The following HIVEP2 variants were observed in gnomAD, a reference collection of about 807,000 sequenced individuals.
HIVEP2 encodes the protein HIVEP zinc finger 2.
In HIVEP2, 14 loss-of-function variants were observed where a neutral mutation model predicts 180.7. That is an observed-to-expected ratio of 0.08 (90% CI 0.05 to 0.12). The LOEUF is 0.12. HIVEP2 is among the 10% of genes least tolerant of loss of function. HIVEP2 has a pLI of 1.00. For missense variants in HIVEP2, 2,579 were observed against 3,008.5 expected (o/e 0.86, Z 3.34); for synonymous variants, 1,184 against 1,136.4 (o/e 1.04, Z -0.84).
At chr6:142,858,743 C>T (rs936382125) in intron 1 of HIVEP2, among the ~76,000 whole-genome samples, 5 of 151,966 alleles carry the variant, frequency 3.3e-5, no homozygotes, top group Admixed American at 1.3e-4. Context: ...AGGTGCCCAC[C>T]GCTACGCCTG....
At chr6:142,884,182 T>G (rs1776642229) in intron 1 of HIVEP2, among the ~76,000 whole-genome samples, 2 of 152,188 alleles carry the variant, frequency 1.3e-5, no homozygotes, top group South Asian at 4.1e-4. Context: ...AATATCTGTT[T>G]GAGGGTACTG....
chr6:142,819,928 G>A (rs1177256065), intron 2 of HIVEP2, among the ~76,000 whole-genome samples: 1 of 152,134 alleles, frequency 6.6e-6, no homozygotes, highest in Non-Finnish European at 1.5e-5. Context: ...GTTAAAGGAA[G>A]GATTTCGGCG....
chr6:142,757,642 G>A (rs1775111024), intron 9 of HIVEP2, among the ~76,000 whole-genome samples: 1 of 152,116 alleles, frequency 6.6e-6, no homozygotes, highest in Admixed American at 6.5e-5. Context: ...TGGCGACAGA[G>A]CGAGACTCCA....
At position 142,928,174 on chromosome 6, in the gene HIVEP2, G is replaced by C. The variant is rs571115200; in HGVS notation, c.-641+16925C>G. Among the ~76,000 whole-genome samples, 348 of 152,350 alleles carry C rather than the reference G, an allele frequency of 2.3e-3. 2 individuals carry two copies. The highest frequency in any genetic ancestry group is 9.3e-3 in the Admixed American group (142 of 15,302). On this transcript the variant is annotated intron_variant, in intron 1 of 9. Transcript: ENST00000367603. ...CGATAGTGGAGGAGGCTGTGTGTAT[G>C]TGGGGACAGGAAGTACATGGGAAAT... is the stretch of plus-strand genomic sequence containing the variant.
At chr6:142,812,195 A>C (rs1776716777) in intron 2 of HIVEP2, among the ~76,000 whole-genome samples, 1 of 152,224 alleles carries the variant, frequency 6.6e-6, no homozygotes, top group Admixed American at 6.5e-5. Flanking sequence ...CGAAATCCAA[A>C]GAGCTGTGAA....
chr6:142,802,442 C>A (rs1562240711), intron 2 of HIVEP2, among the ~76,000 whole-genome samples: 1 of 152,072 alleles, frequency 6.6e-6, no homozygotes, highest in African/African-American at 2.4e-5. Context: ...CTCTGCCACC[C>A]TCATACTCGA....
At chr6:142,827,160 A>G (rs1774927039) in intron 2 of HIVEP2, among the ~76,000 whole-genome samples, 1 of 152,188 alleles carries the variant, frequency 6.6e-6, no homozygotes, top group Admixed American at 6.5e-5. Context: ...TTGTAATAAT[A>G]TGGGTACCTC....
At chr6:142,929,161 T>C (rs1320250938) in intron 1 of HIVEP2, among the ~76,000 whole-genome samples, 1 of 152,230 alleles carries the variant, frequency 6.6e-6, no homozygotes, top group African/African-American at 2.4e-5. Context: ...TCAAATCATC[T>C]GCCAATGGTA....
chr6:142,756,797 TTATCTATC>T (rs10660970), intron 9 of HIVEP2, among the ~76,000 whole-genome samples: 14,833 of 149,948 alleles, frequency 0.099, 818 homozygotes, highest in Non-Finnish European at 0.11. Context: ...AAAAGATACC[TTATCTATC>T]TATCTATCTA....
At chr6:142,936,683 G>A (rs963894500) in intron 1 of HIVEP2, among the ~76,000 whole-genome samples, 1 of 152,020 alleles carries the variant, frequency 6.6e-6, no homozygotes, top group Non-Finnish European at 1.5e-5. Flanking sequence ...TAAGTCTTAC[G>A]ATGTTTCTTT....
chr6:142,800,017 C>T (rs1248829885), intron 2 of HIVEP2, among the ~76,000 whole-genome samples: 1 of 152,074 alleles, frequency 6.6e-6, no homozygotes, highest in African/African-American at 2.4e-5. Context: ...CTCATTTTTT[C>T]CCAAGAACTT....
intron 1 of HIVEP2, among the ~76,000 whole-genome samples, chr6:142,896,514 C>T (rs1031214102): frequency 6.6e-6 from 1 of 152,162 alleles, no homozygotes; most frequent in African/African-American, 2.4e-5. Flanking sequence ...CTCTGAATGT[C>T]GGCCTCTCAT....
At chr6:142,879,580 C>G (rs1776531489) in intron 1 of HIVEP2, among the ~76,000 whole-genome samples, 1 of 152,056 alleles carries the variant, frequency 6.6e-6, no homozygotes, top group Non-Finnish European at 1.5e-5. Flanking sequence ...TGCAAGACCC[C>G]CTTCTCTCCT....
intron 2 of HIVEP2, among the ~76,000 whole-genome samples, chr6:142,833,341 A>G (rs1775143457): frequency 6.6e-6 from 1 of 152,250 alleles, no homozygotes; most frequent in Admixed American, 6.5e-5. Context: ...CATAGAAACA[A>G]GGCATATGAT....
At chr6:142,791,533 G>A (rs781043485) in intron 2 of HIVEP2, among the ~76,000 whole-genome samples, 5 of 152,160 alleles carry the variant, frequency 3.3e-5, no homozygotes, top group Non-Finnish European at 7.3e-5. Context: ...CAAGTTTCAA[G>A]CAGGCATTTA....
At chr6:142,805,810 A>G (rs756056357) in intron 2 of HIVEP2, among the ~76,000 whole-genome samples, 7 of 152,134 alleles carry the variant, frequency 4.6e-5, no homozygotes, top group Non-Finnish European at 7.4e-5. Context: ...TGAAACACCA[A>G]TATGTAGGGT....
At chr6:142,828,780 G>A (rs1375878145) in intron 2 of HIVEP2, among the ~76,000 whole-genome samples, 2 of 152,084 alleles carry the variant, frequency 1.3e-5, no homozygotes, top group African/African-American at 4.8e-5. Context: ...TTGAGAACAG[G>A]ACCATTCTTA....
intron 9 of HIVEP2, among the ~76,000 whole-genome samples, chr6:142,755,267 G>A (rs533048551): frequency 7.2e-5 from 11 of 152,230 alleles, no homozygotes; most frequent in Admixed American, 2.6e-4. Context: ...TAACACTATC[G>A]TTACCACGAC....
chr6:142,873,780 C>T (rs1201272475), intron 1 of HIVEP2, among the ~76,000 whole-genome samples: 1 of 152,134 alleles, frequency 6.6e-6, no homozygotes, highest in South Asian at 2.1e-4. Flanking sequence ...AATAAATTAA[C>T]ATATTCATAA....
Sources: gnomAD v4.1 joint callset for allele counts (sites outside exome capture counted in the v4.1 genomes callset) on GRCh38, gnomAD v4.1.1 for gene constraint, MANE v1.5 for transcripts, NCBI Gene and HGNC (gene_info 2026-07-23, HGNC 2026-07-21) for gene names.